ENOX1: variants seen among roughly 807,000 people sequenced by gnomAD.
The protein encoded by ENOX1 is candidate growth-related and time keeping constitutive hydroquinone (NADH) oxidase.
Under a neutral mutation model 82.5 loss-of-function variants are expected in ENOX1, and 42 were observed. The observed-to-expected ratio is 0.51, with a 90% CI of 0.40 to 0.66. The LOEUF is 0.66. Ranked by LOEUF, ENOX1 falls within the 30% of genes least tolerant of loss-of-function variation. The pLI is 0.00. For synonymous variants in ENOX1, 271 were observed against 282.2 expected, an observed-to-expected ratio of 0.96 and a Z score of 0.40; for missense variants, 608 against 811.6, an observed-to-expected ratio of 0.75 and a Z score of 3.05.
At chr13:43,648,484 C>T (rs535164829) in intron 2 of ENOX1, among the ~76,000 whole-genome samples, 4 of 152,250 alleles carry the variant, frequency 2.6e-5, no homozygotes, top group African/African-American at 9.6e-5. Flanking sequence ...ATAGAGAACA[C>T]AGAGGGCAGA....
chr13:43,768,330 G>T (rs1951402985), intron 1 of ENOX1, among the ~76,000 whole-genome samples: 1 of 152,166 alleles, frequency 6.6e-6, no homozygotes. Flanking sequence ...GGCTGAGTGT[G>T]TTGGCTCATG....
chr13:43,552,689 C>T (rs1289977265), intron 2 of ENOX1, among the ~76,000 whole-genome samples: 2 of 152,058 alleles, frequency 1.3e-5, no homozygotes, highest in Non-Finnish European at 2.9e-5. Flanking sequence ...AATGGTTTTG[C>T]CTGGGTCATT....
chr13:43,730,040 T>C (rs926304603), intron 1 of ENOX1, among the ~76,000 whole-genome samples: 5 of 152,166 alleles, frequency 3.3e-5, no homozygotes, highest in Admixed American at 3.3e-4. Flanking sequence ...CTGCGGAAGA[T>C]CTCCTCCACC....
At chr13:43,736,356 T>C (rs751633070) in intron 1 of ENOX1, among the ~76,000 whole-genome samples, 5 of 152,228 alleles carry the variant, frequency 3.3e-5, no homozygotes, top group African/African-American at 4.8e-5. Context: ...AGAATTTTTT[T>C]CTAAAGTCAG....
chr13:43,496,697 G>A (rs2076807702), intron 2 of ENOX1, among the ~76,000 whole-genome samples: 1 of 152,010 alleles, frequency 6.6e-6, no homozygotes, highest in African/African-American at 2.4e-5. Context: ...TTCTTAATGA[G>A]CCTTTCTCCT....
rs184692257 is a variant in ENOX1 at position 43,782,108 on chromosome 13, T to C, written c.-285+4544A>G. ...ACAAATCAGGCCCTCTGATATTCTA[T>C]CATAGGAATGAAAAGTGACAAAAAG... On this transcript the variant is annotated intron_variant, in intron 1 of 16. Transcript: ENST00000690772. Among the ~76,000 whole-genome samples, 3 of 152,322 alleles carry C rather than the reference T, an allele frequency of 2.0e-5. No individual in the cohort carries two copies. The East Asian group carries it at 5.8e-4, about 29-fold the overall frequency.
intron 5 of ENOX1, among the ~76,000 whole-genome samples, chr13:43,369,231 C>T (rs2051053609): frequency 6.6e-6 from 1 of 152,172 alleles, no homozygotes; most frequent in Non-Finnish European, 1.5e-5. Flanking sequence ...CAGTCAGCCT[C>T]AGCACCCTCT....
At chr13:43,715,415 T>C (rs1235291825) in intron 1 of ENOX1, among the ~76,000 whole-genome samples, 1 of 152,102 alleles carries the variant, frequency 6.6e-6, no homozygotes, top group Non-Finnish European at 1.5e-5. Context: ...CGGAGTGTCT[T>C]GGAGTATCTT....
chr13:43,495,718 A>G (rs2153664563), intron 2 of ENOX1, among the ~76,000 whole-genome samples: 1 of 113,836 alleles, frequency 8.8e-6, no homozygotes, highest in African/African-American at 2.8e-5. Flanking sequence ...AATAGGTGTG[A>G]GGTTGCCAGG....
intron 2 of ENOX1, among the ~76,000 whole-genome samples, chr13:43,564,113 A>C (rs527374515): frequency 2.0e-5 from 3 of 152,098 alleles, no homozygotes; most frequent in Non-Finnish European, 4.4e-5. Flanking sequence ...TGATGCAAAA[A>C]CCCTTAACAA....
chr13:43,598,844 T>TA (rs1282456820), intron 2 of ENOX1, among the ~76,000 whole-genome samples: 1 of 152,144 alleles, frequency 6.6e-6, no homozygotes, highest in Non-Finnish European at 1.5e-5. Context: ...ACAGAGGCTC[T>TA]AAAGGAAAGA....
chr13:43,784,920 G>T (rs1043167565), intron 1 of ENOX1, among the ~76,000 whole-genome samples: 4 of 152,192 alleles, frequency 2.6e-5, no homozygotes, highest in African/African-American at 9.7e-5. Context: ...TTGAAATGAA[G>T]AGAAATCAGT....
At chr13:43,778,139 C>G (rs1952032010) in intron 1 of ENOX1, among the ~76,000 whole-genome samples, 1 of 152,178 alleles carries the variant, frequency 6.6e-6, no homozygotes, top group African/African-American at 2.4e-5. Context: ...GATTATTCAG[C>G]CTTTGCATTT....
chr13:43,759,160 G>A (rs1566890020), intron 1 of ENOX1, among the ~76,000 whole-genome samples: 1 of 141,002 alleles, frequency 7.1e-6, no homozygotes, highest in African/African-American at 2.6e-5. Context: ...GTGCAGTGGT[G>A]CCATCTTGGC....
chr13:43,294,027 T>C (rs1437310105), intron 12 of ENOX1, among the ~76,000 whole-genome samples: 2 of 152,122 alleles, frequency 1.3e-5, no homozygotes, highest in African/African-American at 4.8e-5. Flanking sequence ...TTTTTCCTGA[T>C]CTTCCCTTGC....
chr13:43,360,183 CT>C, intron 6 of ENOX1, 126 bp from the exon 7 acceptor site: 1 of 748,964 alleles, frequency 1.3e-6, no homozygotes, highest in Non-Finnish European at 2.0e-6. Context: ...TCTATGCCAA[CT>C]TAACATTGAT....
At chr13:43,589,921 T>G (rs1440141717) in intron 2 of ENOX1, among the ~76,000 whole-genome samples, 1 of 149,340 alleles carries the variant, frequency 6.7e-6, no homozygotes, top group African/African-American at 2.5e-5. Flanking sequence ...AAAAAATCCT[T>G]AATATACATC....
rs140008821 is a variant in ENOX1, at chr13:43,776,347, GGAATGAA to G, written c.-285+10298_-285+10304del. On this transcript the variant is annotated intron_variant, in intron 1 of 16. Transcript: ENST00000690772. Reference sequence around the variant, plus strand: ...GTGCTTGGAAACCACAGTCGAGGAGGGAATGAAGAATCAGCAAAGGGACAGAGATTCC... The same window carrying G: ...GTGCTTGGAAACCACAGTCGAGGAGGGAATCAGCAAAGGGACAGAGATTCC... Among the ~76,000 whole-genome samples the G allele has an allele frequency of 9.1e-3, 1,383 of 152,300 alleles. 18 individuals are homozygous for G. Among genetic ancestry groups the G allele is most frequent in the African/African-American group, 0.031 (1,309 of 41,560 alleles).
At chr13:43,547,589 T>C (rs960330515) in intron 2 of ENOX1, 1 of 152,230 alleles carries the variant, frequency 6.6e-6, no homozygotes, top group African/African-American at 2.4e-5. Flanking sequence ...GGGGCAATTT[T>C]GGTTTGTTTT....
Sources: gnomAD v4.1 joint callset for allele counts (sites outside exome capture counted in the v4.1 genomes callset) on GRCh38, gnomAD v4.1.1 for gene constraint, MANE v1.5 for transcripts, NCBI Gene and HGNC (gene_info 2026-07-23, HGNC 2026-07-21) for gene names.